The following RBFOX2 variants were observed in gnomAD, a reference collection of about 807,000 sequenced individuals.
RBFOX2 encodes RNA binding protein fox-1 homolog 2.
A neutral mutation model predicts 49.1 loss-of-function variants in RBFOX2; 10 were observed. The observed-to-expected ratio is 0.20, with a 90% CI of 0.13 to 0.35. The LOEUF is 0.35. RBFOX2 is among the 10% of genes least tolerant of loss of function. The probability of loss-of-function intolerance (pLI) is 1.00; values close to 1 mark genes in which losing one functional copy is unlikely to be tolerated. For synonymous variants in RBFOX2, 183 were observed against 187.4 expected (o/e 0.98, Z 0.19); for missense variants, 323 against 486.9 (o/e 0.66, Z 3.17).
intron 1 of RBFOX2, among the ~76,000 whole-genome samples, chr22:35,901,471 A>G (rs1477798366): frequency 6.6e-6 from 1 of 151,914 alleles, no homozygotes; most frequent in Admixed American, 6.6e-5. Context: ...CAACATAGTA[A>G]AACTCTCATC....
intron 1 of RBFOX2, among the ~76,000 whole-genome samples, chr22:35,980,995 A>G (rs5756028): frequency 0.22 from 34,002 of 152,140 alleles, 5,956 homozygotes; most frequent in African/African-American, 0.49. Flanking sequence ...ATGGTAAAAA[A>G]GCACAGAGGA....
chr22:35,989,440 T>G (rs1324472577), intron 1 of RBFOX2, among the ~76,000 whole-genome samples: 2 of 151,652 alleles, frequency 1.3e-5, no homozygotes, highest in Admixed American at 1.3e-4. Flanking sequence ...ATTCATTGGA[T>G]GTAGTCGCAA....
intron 1 of RBFOX2, among the ~76,000 whole-genome samples, chr22:36,003,343 T>C (rs2058500877): frequency 6.6e-6 from 1 of 152,270 alleles, no homozygotes; most frequent in South Asian, 2.1e-4. Flanking sequence ...GTGTACCATG[T>C]ATTGTAATAA....
At chr22:35,741,482 T>A (rs1421871089) in exon 12 of RBFOX2, 1 of 152,408 alleles carries the variant, frequency 6.6e-6, no homozygotes, top group Non-Finnish European at 1.5e-5. Context: ...AAGTTGACCG[T>A]ACGGAGTCTC....
At chr22:35,743,904 C>T (rs1301644709) in exon 12 of RBFOX2, 8 of 311,336 alleles carry the variant, frequency 2.6e-5, no homozygotes, top group East Asian at 5.2e-5. Context: ...AAGCTAAGCA[C>T]GGACATACAG....
chr22:35,747,887 A>G (rs545917871), intron 9 of RBFOX2: 1 of 152,332 alleles, frequency 6.6e-6, no homozygotes, highest in South Asian at 2.1e-4. Flanking sequence ...TTCTAAATCT[A>G]CAAAAGAAAT....
intron 1 of RBFOX2, among the ~76,000 whole-genome samples, chr22:35,977,908 C>T (rs2057276220): frequency 6.6e-6 from 1 of 150,854 alleles, no homozygotes; most frequent in African/African-American, 2.4e-5. Flanking sequence ...CAAGGATGCA[C>T]AGGACAGCAG....
rs560246538 is a variant in RBFOX2 at position 35,848,557 on chromosome 22, T to C, written c.-33-38553A>G. On this transcript the variant is annotated intron_variant, in intron 1 of 13. Coordinates refer to the RBFOX2 transcript ENST00000359369. ...CTTACCCAACAGGCCCAATCCAAAA[T>C]AGCTTGGGCCTTTAGGCCCAAAATA... Among the ~76,000 whole-genome samples the C allele has an allele frequency of 1.2e-4, 19 of 152,312 alleles. No homozygotes were observed. In the South Asian group the frequency reaches 3.5e-3, roughly 28 times the overall value.
At chr22:35,779,110 G>A (rs747334482) in intron 3 of RBFOX2, among the ~76,000 whole-genome samples, 9 of 151,986 alleles carry the variant, frequency 5.9e-5, no homozygotes, top group East Asian at 1.9e-4. Flanking sequence ...CTAAAGACAC[G>A]AAGCCTAAAC....
At chr22:35,797,239 T>C (rs1038107965) in intron 2 of RBFOX2, among the ~76,000 whole-genome samples, 2 of 152,142 alleles carry the variant, frequency 1.3e-5, no homozygotes. Context: ...AACTACTTAA[T>C]AGTAACAACA....
chr22:35,960,961 T>A (rs1338232486), intron 1 of RBFOX2, among the ~76,000 whole-genome samples: 3 of 145,342 alleles, frequency 2.1e-5, no homozygotes, highest in Non-Finnish European at 4.6e-5. Context: ...TATATTTGTT[T>A]AAAAAAAAAA....
chr22:35,899,211 AG>A (rs2048271297), intron 1 of RBFOX2, among the ~76,000 whole-genome samples: 2 of 152,166 alleles, frequency 1.3e-5, no homozygotes, highest in African/African-American at 4.8e-5. Flanking sequence ...AAAATATAAA[AG>A]ACATACCCTG....
chr22:35,816,090 T>C (rs945971918), intron 1 of RBFOX2, among the ~76,000 whole-genome samples: 5 of 152,088 alleles, frequency 3.3e-5, no homozygotes, highest in South Asian at 2.1e-4. Flanking sequence ...ATTAACTCTG[T>C]AGAAGAACAG....
intron 1 of RBFOX2, among the ~76,000 whole-genome samples, chr22:35,866,865 C>T (rs2043745066): frequency 6.6e-6 from 1 of 152,154 alleles, no homozygotes; most frequent in Admixed American, 6.5e-5. Context: ...TCACTTCTAC[C>T]CTGGCCAGGC....
Position 35,759,436 on chromosome 22 carries a change from T to C in RBFOX2, c.887+452A>G, listed in dbSNP as rs1401336381. ...GCTCTGCTGCTCACCACCCAGGCAGTGAAACCAAAGGGGAGGACACATGTG... is the reference window on the plus strand; with the variant it reads ...GCTCTGCTGCTCACCACCCAGGCAGCGAAACCAAAGGGGAGGACACATGTG... On this transcript the variant is annotated intron_variant, in intron 9 of 11. Transcript: ENST00000405409. This position sits in a 1 kb window ranked among gnomAD's most constrained non-coding sequence, Gnocchi z 4.6. Among the ~76,000 whole-genome samples, 2 of 152,186 alleles carry C rather than the reference T, an allele frequency of 1.3e-5. No homozygotes were observed. The highest frequency in any genetic ancestry group is 4.8e-5 in the African/African-American group (2 of 41,438).
intron 2 of RBFOX2, among the ~76,000 whole-genome samples, chr22:35,791,549 T>C (rs1372199385): frequency 6.6e-6 from 1 of 152,198 alleles, no homozygotes; most frequent in African/African-American, 2.4e-5. Flanking sequence ...TTATGAAACT[T>C]AGAAAGAGAC....
rs573821665 is a variant in RBFOX2, at chr22:35,809,654, A to G, written c.252+126T>C. Reference sequence around the variant, plus strand: ...CAATGTATACAATGCTGTTGAGAGAAGGTGTAAATGAGAACAGGTGTAAAT... The same window carrying G: ...CAATGTATACAATGCTGTTGAGAGAGGGTGTAAATGAGAACAGGTGTAAAT... On this transcript the variant is annotated intron_variant, in intron 2 of 11. Coordinates refer to ENST00000405409, the Ensembl canonical transcript of RBFOX2. 47 of 1,009,590 alleles carry G rather than the reference A, an allele frequency of 4.7e-5. No individual in the cohort carries two copies. The South Asian group carries it at 6.2e-4, about 13-fold the overall frequency. The allele number at this position is 1,009,590 out of a possible 1,614,324, so 62.5% of individuals were successfully genotyped here. A position where few individuals can be genotyped will look rare whatever the true frequency, so the allele number is the denominator to read the frequency against.
intron 1 of RBFOX2, chr22:35,836,383 C>T (rs1202511847): frequency 6.6e-6 from 1 of 152,252 alleles, no homozygotes; most frequent in Non-Finnish European, 1.5e-5. Context: ...CTCCCAACCA[C>T]CCAGGAACAG....
At chr22:35,891,254 C>A (rs550763002) in intron 1 of RBFOX2, among the ~76,000 whole-genome samples, 1 of 152,200 alleles carries the variant, frequency 6.6e-6, no homozygotes, top group East Asian at 1.9e-4. Flanking sequence ...CTGCCTCAGC[C>A]TCCTGAGTAG....
Sources: allele counts gnomAD v4.1 joint callset (sites outside exome capture counted in the v4.1 genomes callset), GRCh38; gene constraint gnomAD v4.1.1; non-coding constraint Gnocchi (gnomAD v3.1); transcripts MANE v1.5; gene names NCBI Gene and HGNC (gene_info 2026-07-23, HGNC 2026-07-21).